Variants in NUP107 observed in about 807,000 individuals in gnomAD.
The protein encoded by NUP107 is nuclear pore complex protein Nup107.
In NUP107, 101 loss-of-function variants were observed where a neutral mutation model predicts 141.0. The observed-to-expected ratio is 0.72, with a 90% CI of 0.61 to 0.84. NUP107 has a LOEUF of 0.84. Ranked by LOEUF, NUP107 falls within the 40% of genes least tolerant of loss-of-function variation. The pLI, the probability that NUP107 is intolerant of heterozygous loss-of-function variation, is 0.00. For synonymous variants in NUP107, 319 were observed against 363.9 expected, an observed-to-expected ratio of 0.88 and a Z score of 1.41; for missense variants, 941 against 1,102.7, an observed-to-expected ratio of 0.85 and a Z score of 2.08.
intron 10 of NUP107, 64 bp from the exon 11 acceptor site, chr12:68,713,665 AT>A: frequency 8.8e-7 from 1 of 1,141,262 alleles, no homozygotes; most frequent in Non-Finnish European, 1.3e-6. Context: ...ACTTGATTTG[AT>A]TTTTTAAAAA....
At chr12:68,689,506 G>T in intron 2 of NUP107, 27 bp from the exon 3 acceptor site, 3 of 1,360,162 alleles carry the variant, frequency 2.2e-6, no homozygotes, top group South Asian at 1.3e-5. Context: ...TTTCTACATG[G>T]AAAACTTTTC....
intron 14 of NUP107, among the ~76,000 whole-genome samples, chr12:68,720,038 G>C (rs1313425932): frequency 6.6e-6 from 1 of 152,194 alleles, no homozygotes; most frequent in Non-Finnish European, 1.5e-5. Flanking sequence ...AGTAAGGTGG[G>C]TCTACCAGGT....
intron 20 of NUP107, among the ~76,000 whole-genome samples, chr12:68,728,136 T>G (rs1204378989): frequency 3.3e-5 from 5 of 151,638 alleles, no homozygotes; most frequent in African/African-American, 7.3e-5. Context: ...AAAATTTTTT[T>G]AAATTAGCAG....
intron 7 of NUP107, 79 bp downstream of exon 7, chr12:68,700,932 A>G: frequency 7.2e-7 from 1 of 1,388,354 alleles, no homozygotes; most frequent in Non-Finnish European, 9.6e-7. Flanking sequence ...AAGTTAGGGT[A>G]GGTCGTGCTT....
intron 27 of NUP107, 136 bp from the exon 28 acceptor site, chr12:68,742,219 T>C (rs1045813490): frequency 1.6e-6 from 1 of 635,288 alleles, no homozygotes; most frequent in Non-Finnish European, 2.7e-6. Context: ...ACCACTCTAA[T>C]TTACTAGGCT....
chr12:68,714,444 A>G (rs559821802), intron 11 of NUP107: 2 of 152,246 alleles, frequency 1.3e-5, no homozygotes, highest in South Asian at 4.1e-4. Flanking sequence ...ACAGCTGAAA[A>G]TCGTTTAATC....
At chr12:68,692,223 T>A (rs922680203) in intron 5 of NUP107, 111 bp downstream of exon 5, 3 of 1,160,508 alleles carry the variant, frequency 2.6e-6, no homozygotes, top group Non-Finnish European at 3.6e-6. Context: ...TTTCTTTCTG[T>A]CTTTTTTTCT....
intron 26 of NUP107, among the ~76,000 whole-genome samples, chr12:68,736,717 C>CGTTTTTTTTTTTTTTTT (rs1878083915): frequency 9.4e-6 from 1 of 105,894 alleles, no homozygotes; most frequent in African/African-American, 3.8e-5. Flanking sequence ...GTGTCGCCAC[C>CGTTTTTTTTTTTTTTTT]TTTTTTTTTT....
chr12:68,719,242 C>T (rs949250960), intron 12 of NUP107, 99 bp from the exon 13 acceptor site: 8 of 823,864 alleles, frequency 9.7e-6, no homozygotes, highest in African/African-American at 1.7e-5. Context: ...ATGGATGGAA[C>T]ATTTGTTCCA....
chr12:68,713,362 G>A (rs1342164112), intron 10 of NUP107, among the ~76,000 whole-genome samples: 10 of 141,740 alleles, frequency 7.1e-5, no homozygotes, highest in Admixed American at 6.5e-4. Context: ...GCAACAGAGC[G>A]AGACCCTGTC....
intron 8 of NUP107, among the ~76,000 whole-genome samples, chr12:68,703,353 A>C (rs1470490380): frequency 1.3e-5 from 2 of 152,220 alleles, no homozygotes; most frequent in African/African-American, 2.4e-5. Flanking sequence ...TTATAGATAC[A>C]TACATATATA....
chr12:68,728,182 G>A (rs900070075), intron 20 of NUP107, among the ~76,000 whole-genome samples: 1 of 151,454 alleles, frequency 6.6e-6, no homozygotes, highest in East Asian at 2.0e-4. Flanking sequence ...CCAGCTACTC[G>A]GGAGGCTGAG....
chr12:68,700,735 C>T lies in NUP107; in HGVS notation c.562C>T (p.Leu188=), dbSNP rs769506701. ...TGTGTTTTTTATTCAGGTGAATATA[C>T]TGAGTAAAATAGTGAGTCGAGCAAC... is the stretch of plus-strand genomic sequence containing the variant. ...ENICGSQVNI[L]SKIVSRATPG... The change falls in exon 7 of 28, where the codon CTG becomes TTG. Residue 188 remains leucine, a synonymous_variant. Transcript: ENST00000229179. 1.3e-6 allele frequency: 2 copies of T among 1,599,946 alleles called. No individual in the cohort carries two copies. Among genetic ancestry groups the T allele is most frequent in the South Asian group, 1.1e-5 (1 of 87,780 alleles).
intron 26 of NUP107, 43 bp downstream of exon 26, chr12:68,735,387 A>C (rs1878026512): frequency 7.5e-7 from 1 of 1,335,664 alleles, no homozygotes. Context: ...CAAAACACTC[A>C]CCATGTTCTT....
chr12:68,722,579 G>A (rs903365932), intron 17 of NUP107, among the ~76,000 whole-genome samples: 2 of 151,838 alleles, frequency 1.3e-5, no homozygotes, highest in Non-Finnish European at 2.9e-5. Flanking sequence ...CCCCTTTATG[G>A]TTATTCCCCT....
Position 68,706,861 on chromosome 12 carries a change from G to GAAGACCAC in NUP107, c.730-2376_730-2369dup, listed in dbSNP as rs994901086. 5 of 757,178 alleles carry GAAGACCAC rather than the reference G, an allele frequency of 6.6e-6. No homozygotes were observed. In the African/African-American group the frequency reaches 8.5e-5, roughly 13 times the overall value. The allele number at this position is 757,178 out of a possible 1,614,324, so 46.9% of individuals were successfully genotyped here. On this transcript the variant is annotated intron_variant, in intron 8 of 27. Coordinates refer to ENST00000229179, the MANE Select transcript of NUP107 (RefSeq NM_020401.4). ...GGATGCAGAACATGAGTATCCATAC[G>GAAGACCAC]AAGACCACCAGCGGCTATTCAGGTG...
chr12:68,695,410 A>G (rs1180609363), intron 5 of NUP107, among the ~76,000 whole-genome samples: 7 of 152,234 alleles, frequency 4.6e-5, no homozygotes, highest in African/African-American at 1.7e-4. Context: ...AATGTGATCT[A>G]TACATACAGT....
Position 68,711,053 on chromosome 12 carries a change from A to T in NUP107, c.890+960A>T, listed in dbSNP as rs141682684. On this transcript the variant is annotated intron_variant, in intron 10 of 27. Transcript: ENST00000229179. The stretch of plus-strand genomic sequence containing the variant: ...GGGTGGATCACGAAGTCAGGAGATC[A>T]AGACCATCCTGGCTAATGCGGTAAA... Among the ~76,000 whole-genome samples, 255 of 151,906 alleles carry T rather than the reference A, an allele frequency of 1.7e-3. 13 individuals are homozygous for T. In the East Asian group the frequency reaches 0.048, roughly 28 times the overall value.
At chr12:68,725,871 C>T in intron 18 of NUP107, 75 bp downstream of exon 18, 2 of 763,122 alleles carry the variant, frequency 2.6e-6, no homozygotes, top group Non-Finnish European at 4.2e-6. Context: ...AAGTCTCACC[C>T]TGTTGCCCAG....
Sources: allele counts gnomAD v4.1 joint callset (sites outside exome capture counted in the v4.1 genomes callset), GRCh38; gene constraint gnomAD v4.1.1; transcripts MANE v1.5; gene names NCBI Gene and HGNC (gene_info 2026-07-23, HGNC 2026-07-21).